Variants in PIGG observed in about 807,000 individuals in gnomAD.
PIGG encodes GPI ethanolamine phosphate transferase 2, catalytic subunit.
In PIGG, 70 loss-of-function variants were observed where a neutral mutation model predicts 83.2. The observed-to-expected ratio is 0.84, with a 90% CI of 0.69 to 1.03. The LOEUF (loss-of-function observed/expected upper bound fraction) is 1.03, where lower values mean the gene tolerates loss of function less well. Among genes scored for constraint, PIGG ranks in the 50% least tolerant of loss-of-function variants. PIGG has a pLI of 0.00. For missense variants in PIGG, 1,257 were observed against 1,233.6 expected (o/e 1.02, Z -0.28); for synonymous variants, 532 against 519.5 (o/e 1.02, Z -0.33).
At chr4:512,780 A>G (rs541156254) in intron 5 of PIGG, among the ~76,000 whole-genome samples, 53 of 152,132 alleles carry the variant, frequency 3.5e-4, no homozygotes, top group Non-Finnish European at 5.9e-4. Flanking sequence ...GCACCACTGC[A>G]CTCCAGCTTG....
intron 2 of PIGG, chr4:501,758 C>T (rs1468477923): frequency 6.5e-6 from 1 of 153,460 alleles, no homozygotes; most frequent in Non-Finnish European, 1.4e-5. Flanking sequence ...TATTGAGCAT[C>T]TACTGTGTGC....
Position 523,661 on chromosome 4 carries a change from CGTGTGGCCTCT to C in PIGG, c.1824_1834del (p.Leu609ThrfsTer4). The C allele has an allele frequency of 2.5e-6, 4 of 1,614,168 alleles. No individual in the cohort carries two copies. The highest frequency in any genetic ancestry group is 2.2e-5 in the East Asian group (1 of 44,866). On this transcript the variant is annotated frameshift_variant, in exon 9 of 13. Transcript: ENST00000453061. LOFTEE classifies it high-confidence loss of function. Reference sequence around the variant, plus strand: ...TTTCTGGGAGATGACGGTGAGCCTCCGTGTGGCCTCTGTGTGGAACAAGGGCATGACGGGGC... The same window carrying C: ...TTTCTGGGAGATGACGGTGAGCCTCCGTGTGGAACAAGGGCATGACGGGGC...
intron 8 of PIGG, among the ~76,000 whole-genome samples, chr4:523,230 C>T (rs758223208): frequency 2.0e-5 from 3 of 152,146 alleles, no homozygotes; most frequent in Non-Finnish European, 2.9e-5. Context: ...GTGTCCGGCT[C>T]CCCTGCCTGG....
At chr4:507,719 G>A in intron 4 of PIGG, 126 bp downstream of exon 4, 1 of 798,242 alleles carries the variant, frequency 1.3e-6, no homozygotes, top group Non-Finnish European at 2.0e-6. Context: ...GCTAGCCAGG[G>A]GCCGCATGCC....
intron 5 of PIGG, among the ~76,000 whole-genome samples, chr4:512,706 T>C (rs1722548270): frequency 6.6e-6 from 1 of 151,708 alleles, no homozygotes; most frequent in African/African-American, 2.4e-5. Context: ...TCCCAGCTAC[T>C]CAGGACGCTG....
chr4:522,142 T>G, intron 8 of PIGG: 1 of 640,520 alleles, frequency 1.6e-6, no homozygotes, highest in Non-Finnish European at 2.8e-6. Flanking sequence ...ACACAGGTGT[T>G]CACATCTGTG....
At chr4:530,288 G>A (rs1170418798) in intron 10 of PIGG, 148 bp from the exon 11 acceptor site, 4 of 628,298 alleles carry the variant, frequency 6.4e-6, no homozygotes, top group Non-Finnish European at 1.1e-5. Context: ...CAGGACCTGG[G>A]GGGTAGGGAG....
chr4:527,028 T>C lies in PIGG; in HGVS notation c.2070-11T>C, dbSNP rs1033532002. 3.1e-6 allele frequency: 5 copies of C among 1,614,134 alleles called. No individual in the cohort carries two copies. The highest frequency in any genetic ancestry group is 3.4e-6 in the Non-Finnish European group (4 of 1,179,994). On this transcript the variant is annotated splice_polypyrimidine_tract_variant and intron_variant, in intron 9 of 12. Coordinates refer to ENST00000453061, the MANE Select transcript of PIGG (RefSeq NM_001127178.3). ...GTTTACGTAATGCTGGCATTTTCCA[T>C]CTCATTTCAGCTCTGACCACAAAGC... is the stretch of plus-strand genomic sequence containing the variant.
intron 12 of PIGG, among the ~76,000 whole-genome samples, chr4:534,535 C>T (rs1382692500): frequency 2.0e-5 from 3 of 152,194 alleles, no homozygotes; most frequent in Non-Finnish European, 1.5e-5. Flanking sequence ...GTGGGGGGCA[C>T]AGGGAAGTTC....
intron 5 of PIGG, among the ~76,000 whole-genome samples, chr4:510,707 C>T (rs1157619519): frequency 2.6e-5 from 4 of 152,172 alleles, no homozygotes; most frequent in Non-Finnish European, 5.9e-5. Context: ...ATACCTGTTT[C>T]GTGAGCCAGG....
chr4:500,410 T>A lies in PIGG; in HGVS notation c.169T>A (p.Trp57Arg). 6.2e-7 allele frequency: 1 copy of A among 1,613,766 alleles called. No homozygotes were observed. The highest frequency in any genetic ancestry group is 2.2e-5 in the East Asian group (1 of 44,886). ...CAAACACTTAGGAGCCAGTTCTAAC[T>A]GGACCACGCTGCCACCACCTCTCTT... ...PEPSAGASSN[W>R]TTLPPPLFSK... is the part of the protein sequence containing the mutation. Residue 57 changes from tryptophan to arginine, a missense_variant, in exon 2 of 13, where the codon TGG becomes AGG. Coordinates refer to ENST00000453061, the MANE Select transcript of PIGG (RefSeq NM_001127178.3).
chr4:523,049 G>A (rs1726474812), intron 8 of PIGG, among the ~76,000 whole-genome samples: 1 of 152,176 alleles, frequency 6.6e-6, no homozygotes, highest in Admixed American at 6.5e-5. Context: ...TGCATCTGAA[G>A]ACCTAAGCTC....
Position 516,059 on chromosome 4 carries a change from A to G in PIGG, c.988A>G (p.Ser330Gly), listed in dbSNP as rs183341100. 2 of 1,614,150 alleles carry G rather than the reference A, an allele frequency of 1.2e-6. No homozygotes were observed. Among genetic ancestry groups the G allele is most frequent in the African/African-American group, 1.3e-5 (1 of 75,072 alleles). Residue 330 changes from serine (S) to glycine (G), a missense_variant, in exon 6 of 13, where the codon AGT becomes GGT. By Grantham distance (56) the Ser-to-Gly change is moderately conservative. Coordinates refer to ENST00000453061, the MANE Select transcript of PIGG (RefSeq NM_001127178.3). Reference sequence around the variant, plus strand: ...ACTTGGCTTACCGATTCCAAAAGACAGTGTAGGGAGCCTCCTATTCCCAGT... The same window carrying G: ...ACTTGGCTTACCGATTCCAAAAGACGGTGTAGGGAGCCTCCTATTCCCAGT... Reference protein sequence around the residue: ...IALGLPIPKDSVGSLLFPVVE... With the variant: ...IALGLPIPKDGVGSLLFPVVE...
chr4:534,151 C>T (rs1206835076), intron 12 of PIGG, among the ~76,000 whole-genome samples, 170 bp downstream of exon 12: 4 of 152,236 alleles, frequency 2.6e-5, no homozygotes, highest in Non-Finnish European at 5.9e-5. Flanking sequence ...GGCCAGAAGC[C>T]GGCCTGAGGT....
rs1245132642 is a variant in PIGG, at chr4:539,283, C to T, written c.2866C>T (p.Leu956Phe). 2 of 1,613,668 alleles carry T rather than the reference C, an allele frequency of 1.2e-6. No homozygotes were observed. Among genetic ancestry groups the T allele is most frequent in the Non-Finnish European group, 1.7e-6 (2 of 1,179,574 alleles). ...ATGGAGTGTATTTTCTCCAAAACTT[C>T]TCTACGAGGGAATGCACCTGCTCAT... ...FIWSVFSPKL[L>F]YEGMHLLITA... is the part of the protein sequence containing the mutation. The change falls in exon 13 of 13, where the codon CTC (leucine) becomes TTC (phenylalanine). Residue 956 changes from leucine to phenylalanine, a missense_variant. Physicochemically the swap from Leu to Phe is conservative, Grantham distance 22. Coordinates refer to ENST00000453061, the MANE Select transcript of PIGG (RefSeq NM_001127178.3).
chr4:521,347 AATAT>A lies in PIGG; in HGVS notation c.1332+82_1332+85del, dbSNP rs920205394. On this transcript the variant is annotated intron_variant, in intron 7 of 12. Coordinates refer to ENST00000453061, the MANE Select transcript of PIGG (RefSeq NM_001127178.3). ...ACTCAGCCAAATATTTATAGTTTTA[AATAT>A]ATATATAGGTGTTATTAAAAATGGG... The A allele has an allele frequency of 3.6e-5, 33 of 907,162 alleles. 1 individual carries two copies. The African/African-American group carries it at 3.7e-4, about 10-fold the overall frequency. 56.2% of individuals were successfully genotyped at this position (907,162 alleles called of 1,614,324 possible).
In PIGG at chr4:539,216, G is replaced by A. The variant is rs564939051; in HGVS notation, c.2799G>A (p.Thr933=). 211 of 1,613,292 alleles carry A rather than the reference G, an allele frequency of 1.3e-4. 1 individual carries two copies. In the Admixed American group the frequency reaches 3.1e-3, roughly 23 times the overall value. The change falls in exon 13 of 13, where the codon ACG becomes ACA. Residue 933 remains threonine (T), a synonymous_variant. Transcript: ENST00000453061. ...YALICSIPVF[T]YIVLVTSLRY... ...TGATTTGTTCTATTCCAGTTTTCAC[G>A]TACATCGTTTTGGTGACATCTCTGC...
At chr4:504,395 G>A (rs1560275266) in intron 2 of PIGG, among the ~76,000 whole-genome samples, 1 of 152,154 alleles carries the variant, frequency 6.6e-6, no homozygotes, top group African/African-American at 2.4e-5. Context: ...AGTGGGAGCC[G>A]CCCTGTGTAG....
At position 512,496 on chromosome 4, in the gene PIGG, A is replaced by G. The variant is rs185648483; in HGVS notation, c.902-3477A>G. 3.0e-3 allele frequency among the ~76,000 whole-genome samples: 458 copies of G among 151,876 alleles called. 1 individual carries two copies. Among genetic ancestry groups the G allele is most frequent in the Non-Finnish European group, 5.0e-3 (342 of 67,936 alleles). On this transcript the variant is annotated intron_variant, in intron 5 of 12. Transcript: ENST00000453061. ...TCCCAACCATTATCATATTTTTTTAACACCAGAGTTTCATTTGATGCTTTT... is the reference window on the plus strand; with the variant it reads ...TCCCAACCATTATCATATTTTTTTAGCACCAGAGTTTCATTTGATGCTTTT...
Sources: gnomAD v4.1 joint callset for allele counts (sites outside exome capture counted in the v4.1 genomes callset) on GRCh38, gnomAD v4.1.1 for gene constraint, MANE v1.5 for transcripts, NCBI Gene and HGNC (gene_info 2026-07-23, HGNC 2026-07-21) for gene names.